Variants in EPN1 observed in about 807,000 individuals in gnomAD.
EPN1 encodes the protein epsin-1.
A neutral mutation model predicts 56.9 loss-of-function variants in EPN1; 25 were observed. That is an observed-to-expected ratio of 0.44 (90% CI 0.32 to 0.61). The LOEUF (loss-of-function observed/expected upper bound fraction) is 0.61. EPN1 is among the 20% of genes least tolerant of loss of function. The pLI, the probability that EPN1 is intolerant of heterozygous loss-of-function variation, is 0.05. For missense variants in EPN1, 785 were observed against 823.7 expected (o/e 0.95, Z 0.58); for synonymous variants, 411 against 361.8 (o/e 1.14, Z -1.54).
chr19:55,689,308 C>T lies in EPN1; in HGVS notation c.615C>T (p.Cys205=), dbSNP rs183652010. 2.5e-5 allele frequency: 39 copies of T among 1,550,842 alleles called. No individual in the cohort carries two copies. The highest frequency in any genetic ancestry group is 3.0e-5 in the Non-Finnish European group (34 of 1,146,298). ...SKEEADQPPS[C]GPEDDAQLQL... ...TCTCTCTCCCCCAGCCCCCGTCCTG[C>T]GGCCCCGAGGACGACGCCCAGCTCC... The change falls in exon 5 of 11, where the codon TGC becomes TGT. Residue 205 remains cysteine (C), a synonymous_variant. Coordinates refer to ENST00000270460, the MANE Select transcript of EPN1 (RefSeq NM_001130072.2). This position sits in a 1 kb window ranked among gnomAD's most constrained non-coding sequence, Gnocchi z 5.7.
chr19:55,705,586 T>A lies in EPN1; in HGVS notation c.*10230T>A, dbSNP rs1987351585. On this transcript the variant is annotated 3_prime_UTR_variant, in exon 11 of 11. Transcript: ENST00000270460. Reference sequence around the variant, plus strand: ...ATCGTTTGAGCCCGGGAGGTGGAGGTTGCAGTGAGCCGAGATCGCACCATT... The same window carrying A: ...ATCGTTTGAGCCCGGGAGGTGGAGGATGCAGTGAGCCGAGATCGCACCATT... 1 of 151,860 alleles carries A rather than the reference T, an allele frequency of 6.6e-6. No homozygotes were observed. Among genetic ancestry groups the A allele is most frequent in the Admixed American group, 6.6e-5 (1 of 15,230 alleles). 9.4% of individuals were successfully genotyped at this position (151,860 alleles called of 1,614,324 possible). A position where few individuals can be genotyped will look rare whatever the true frequency, so the allele number is the denominator to read the frequency against.
intron 2 of EPN1, among the ~76,000 whole-genome samples, chr19:55,682,971 G>A (rs1985921593): frequency 6.6e-6 from 1 of 152,002 alleles, no homozygotes; most frequent in African/African-American, 2.4e-5. Context: ...TGGCCAGGCT[G>A]GTCTCGAACT....
intron 1 of EPN1, 55 bp from the exon 2 acceptor site, chr19:55,678,472 G>C: frequency 2.0e-6 from 3 of 1,476,882 alleles, no homozygotes; most frequent in Non-Finnish European, 2.7e-6. Flanking sequence ...GACCCTGAGG[G>C]CTCTGGGCAG....
In EPN1 at chr19:55,702,736, A is replaced by G. The variant is rs556482070; in HGVS notation, c.*7380A>G. 6.6e-6 allele frequency: 1 copy of G among 152,254 alleles called. No homozygotes were observed. The highest frequency in any genetic ancestry group is 2.1e-4 in the South Asian group (1 of 4,824). 9.4% of individuals were successfully genotyped at this position (152,254 alleles called of 1,614,324 possible). A position where few individuals can be genotyped will look rare whatever the true frequency, so the allele number is the denominator to read the frequency against. On this transcript the variant is annotated 3_prime_UTR_variant, in exon 11 of 11. Coordinates refer to ENST00000270460, the MANE Select transcript of EPN1 (RefSeq NM_001130072.2). Reference sequence around the variant, plus strand: ...CATCAATTGGGTATTGATTTCAGGTAGAATGGGTGAATGCATTTATTCGTT... The same window carrying G: ...CATCAATTGGGTATTGATTTCAGGTGGAATGGGTGAATGCATTTATTCGTT...
intron 2 of EPN1, among the ~76,000 whole-genome samples, chr19:55,679,237 C>T (rs1468169714): frequency 6.6e-6 from 1 of 152,258 alleles, no homozygotes; most frequent in African/African-American, 2.4e-5. Context: ...GGCGATGCCA[C>T]GCTGGGGATG....
In EPN1 at chr19:55,695,468, C is replaced by G. The variant is rs1294271837; in HGVS notation, c.*112C>G. The G allele has an allele frequency of 1.6e-6, 1 of 638,380 alleles. No individual in the cohort carries two copies. Among genetic ancestry groups the G allele is most frequent in the African/African-American group, 1.8e-5 (1 of 54,604 alleles). 39.5% of individuals were successfully genotyped at this position (638,380 alleles called of 1,614,324 possible). The stretch of plus-strand genomic sequence containing the variant: ...GGATCCCCACCCCCAGTGCCCTTCC[C>G]CTTCCTGGGGCCCACTCACACTACA... On this transcript the variant is annotated 3_prime_UTR_variant, in exon 11 of 11. Coordinates refer to ENST00000270460, the MANE Select transcript of EPN1 (RefSeq NM_001130072.2). The surrounding 1 kb of genome is among the most constrained non-coding windows in gnomAD (Gnocchi z 4.4).
At chr19:55,690,096 C>T in intron 6 of EPN1, 146 bp downstream of exon 6, 1 of 780,982 alleles carries the variant, frequency 1.3e-6, no homozygotes, top group African/African-American at 1.7e-5. Flanking sequence ...TGGTCGGCCT[C>T]TCTGTGCCTC....
chr19:55,682,670 C>T (rs146056145), intron 2 of EPN1, among the ~76,000 whole-genome samples: 208 of 152,198 alleles, frequency 1.4e-3, no homozygotes, highest in African/African-American at 4.6e-3. Context: ...TGGACTCAAG[C>T]GATCCACCGA....
rs774551624 is a variant in EPN1, at chr19:55,678,686, C to T, written c.59C>T (p.Ala20Val). The T allele has an allele frequency of 3.1e-6, 5 of 1,613,920 alleles. No individual in the cohort carries two copies. Among genetic ancestry groups the T allele is most frequent in the African/African-American group, 1.3e-5 (1 of 74,912 alleles). Residue 20 changes from alanine to valine, a missense_variant, in exon 2 of 11, where the codon GCG (alanine) becomes GTG (valine). Physicochemically the swap from Ala to Val is moderately conservative, Grantham distance 64 (BLOSUM62 0). Transcript: ENST00000270460. ...MKNIVHNYSE[A>V]EIKVREATSN... The stretch of plus-strand genomic sequence containing the variant: ...AACATCGTCCACAACTACTCAGAGG[C>T]GGAGATCAAGGTTCGAGAGGCCACG...
Position 55,694,881 on chromosome 19 carries a change from T to C in EPN1, c.1420T>C (p.Phe474Leu), listed in dbSNP as rs543044522. The C allele has an allele frequency of 6.2e-7, 1 of 1,602,884 alleles. No individual in the cohort carries two copies. Among genetic ancestry groups the C allele is most frequent in the South Asian group, 1.1e-5 (1 of 89,174 alleles). ...TPPTRKTPES[F>L]LGPNAALVDL... ...CCCCACCCGGAAGACGCCGGAGTCA[T>C]TCCTGGGGCCCAATGCAGCCCTCGT... is the stretch of plus-strand genomic sequence containing the variant. Residue 474 changes from phenylalanine to leucine, a missense_variant, in exon 10 of 11, where the codon TTC becomes CTC. This residue lies in a region of EPN1 where 650 missense variants were observed against 605.0 expected (regional missense o/e 1.07). Transcript: ENST00000270460. The surrounding 1 kb of genome is among the most constrained non-coding windows in gnomAD (Gnocchi z 4.2).
At chr19:55,678,955 A>G (rs1046349373) in intron 2 of EPN1, 100 bp downstream of exon 2, 4 of 764,564 alleles carry the variant, frequency 5.2e-6, no homozygotes, top group Non-Finnish European at 8.6e-6. Flanking sequence ...CCCGGTTCTC[A>G]AGAGGAACTG....
chr19:55,695,416 C>T lies in EPN1; in HGVS notation c.*60C>T. 1 of 956,396 alleles carries T rather than the reference C, an allele frequency of 1.0e-6. No homozygotes were observed. The highest frequency in any genetic ancestry group is 1.6e-6 in the Non-Finnish European group (1 of 642,846). The allele number at this position is 956,396 out of a possible 1,614,324, so 59.2% of individuals were successfully genotyped here. On this transcript the variant is annotated 3_prime_UTR_variant, in exon 11 of 11. Transcript: ENST00000270460. The surrounding 1 kb of genome is among the most constrained non-coding windows in gnomAD (Gnocchi z 4.4). The stretch of plus-strand genomic sequence containing the variant: ...GCCCCATTCCGGCTCCCTGGGAGAT[C>T]AGTGTTGTGAGTGCATGTGAAATGG...
Position 55,701,959 on chromosome 19 carries a change from CTT to C in EPN1, c.*6622_*6623del, listed in dbSNP as rs1160028473. The C allele has an allele frequency of 1.7e-3, 190 of 110,784 alleles. No individual in the cohort carries two copies. The highest frequency in any genetic ancestry group is 6.1e-3 in the East Asian group (25 of 4,084). The allele number at this position is 110,784 out of a possible 1,614,324, so 6.9% of individuals were successfully genotyped here. On this transcript the variant is annotated 3_prime_UTR_variant, in exon 11 of 11. Transcript: ENST00000270460. ...AGTCTCTAGCAGCCCCCACCCCATT[CTT>C]TTTTTTTTTTTTTTTTTTGAGATGG...
Position 55,678,789 on chromosome 19 carries a change from G to A in EPN1, c.162G>A (p.Ser54=), listed in dbSNP as rs753679070. 1.8e-5 allele frequency: 29 copies of A among 1,613,978 alleles called. No homozygotes were observed. The Admixed American group carries it at 2.2e-4, about 12-fold the overall frequency. The part of the protein sequence containing the change: ...ADLTYNVVAF[S]EIMSMIWKRL... The stretch of plus-strand genomic sequence containing the variant: ...TCACCTACAACGTTGTCGCCTTCTC[G>A]GAGATCATGAGCATGATCTGGAAGC... The change falls in exon 2 of 11, where the codon TCG becomes TCA. Residue 54 remains serine, a synonymous_variant. Coordinates refer to ENST00000270460, the MANE Select transcript of EPN1 (RefSeq NM_001130072.2).
At chr19:55,680,368 C>A (rs375212188) in intron 2 of EPN1, among the ~76,000 whole-genome samples, 1 of 152,254 alleles carries the variant, frequency 6.6e-6, no homozygotes, top group Admixed American at 6.5e-5. Context: ...CTGCTGTATC[C>A]GCCATCCCTG....
At position 55,685,603 on chromosome 19, in the gene EPN1, C is replaced by T; in HGVS notation, c.436C>T (p.His146Tyr). 6.2e-7 allele frequency: 1 copy of T among 1,604,706 alleles called. No homozygotes were observed. The highest frequency in any genetic ancestry group is 8.5e-7 in the Non-Finnish European group (1 of 1,176,350). Residue 146 changes from histidine to tyrosine, a missense_variant, in exon 3 of 11, where the codon CAC becomes TAC. His to Tyr is a moderately conservative substitution (Grantham distance 83). Around this residue, in one of 2 missense-constraint regions of EPN1, gnomAD observed 135 missense variants for 218.7 expected, o/e 0.62. Transcript: ENST00000270460. Reference protein sequence around the residue: ...DEDRLREERAHALKTKEKLAQ... With the variant: ...DEDRLREERAYALKTKEKLAQ... ...GGACCGGCTGCGGGAAGAGCGGGCG[C>T]ACGCGCTCAAGACCAAGGAAAAGCT...
chr19:55,677,686 C>T (rs1985531640), intron 1 of EPN1: 1 of 1,550,918 alleles, frequency 6.4e-7, no homozygotes, highest in Non-Finnish European at 8.7e-7. Flanking sequence ...TTCCGCTATC[C>T]TTGGGACGTC....
Position 55,699,635 on chromosome 19 carries a change from G to A in EPN1, c.*4279G>A, listed in dbSNP as rs578161659. On this transcript the variant is annotated 3_prime_UTR_variant, in exon 11 of 11. Coordinates refer to ENST00000270460, the MANE Select transcript of EPN1 (RefSeq NM_001130072.2). ...GGTGACATTGAGTGTGGCAGAGACC[G>A]AGTGTCCCTTGAGCCTAAAATATTT... 5.9e-5 allele frequency: 9 copies of A among 152,256 alleles called. No individual in the cohort carries two copies. Among genetic ancestry groups the A allele is most frequent in the African/African-American group, 2.2e-4 (9 of 41,530 alleles). 9.4% of individuals were successfully genotyped at this position (152,256 alleles called of 1,614,324 possible).
chr19:55,689,454 C>G lies in EPN1; in HGVS notation c.678+83C>G. 2 of 1,070,388 alleles carry G rather than the reference C, an allele frequency of 1.9e-6. No homozygotes were observed. Among genetic ancestry groups the G allele is most frequent in the Non-Finnish European group, 2.8e-6 (2 of 714,890 alleles). The allele number at this position is 1,070,388 out of a possible 1,614,324, so 66.3% of individuals were successfully genotyped here. On this transcript the variant is annotated intron_variant, in intron 5 of 10. Transcript: ENST00000270460. The surrounding 1 kb of genome is among the most constrained non-coding windows in gnomAD (Gnocchi z 5.7). ...TCGCCCCTTCCTAAGTCACCCCCCA[C>G]CATCCTGCTGGGCCCGAAGCCCACA...
Sources: gnomAD v4.1 joint callset for allele counts (sites outside exome capture counted in the v4.1 genomes callset) on GRCh38, gnomAD v4.1.1 for gene constraint, gnomAD v4.1.1 regional missense constraint, Gnocchi (gnomAD v3.1) non-coding constraint, MANE v1.5 for transcripts, NCBI Gene and HGNC (gene_info 2026-07-23, HGNC 2026-07-21) for gene names.